ERP44: variants seen among roughly 807,000 people sequenced by gnomAD.
ERP44 encodes endoplasmic reticulum resident protein 44.
Under a neutral mutation model 53.4 loss-of-function variants are expected in ERP44, and 25 were observed. The observed-to-expected ratio is 0.47, with a 90% CI of 0.34 to 0.65. ERP44 has a LOEUF of 0.65. Ranked by LOEUF, ERP44 falls within the 30% of genes least tolerant of loss-of-function variation. The probability of loss-of-function intolerance (pLI) is 0.01; values close to 1 mark genes in which losing one functional copy is unlikely to be tolerated. For missense variants in ERP44, 338 were observed against 493.2 expected, an observed-to-expected ratio of 0.69 and a Z score of 2.98; for synonymous variants, 145 against 161.2, an observed-to-expected ratio of 0.90 and a Z score of 0.76.
intron 1 of ERP44, among the ~76,000 whole-genome samples, chr9:100,062,494 ATAT>A (rs1232348291): frequency 6.6e-6 from 1 of 150,964 alleles, no homozygotes; most frequent in East Asian, 1.9e-4. Flanking sequence ...AGGCAGAAAA[ATAT>A]TATCATAGAA....
At chr9:100,040,743 T>A (rs1179828620) in intron 4 of ERP44, among the ~76,000 whole-genome samples, 1 of 152,174 alleles carries the variant, frequency 6.6e-6, no homozygotes, top group African/African-American at 2.4e-5. Context: ...AATAATATGA[T>A]CTTATATTTT....
chr9:100,094,024 G>C (rs1361668), intron 1 of ERP44, among the ~76,000 whole-genome samples: 70,712 of 152,022 alleles, frequency 0.47, 17,754 homozygotes, highest in East Asian at 0.91. Context: ...CCTAGCAACT[G>C]CAAGTACAGA....
intron 8 of ERP44, among the ~76,000 whole-genome samples, chr9:100,010,717 A>T (rs1830466391): frequency 6.6e-6 from 1 of 152,044 alleles, no homozygotes; most frequent in African/African-American, 2.4e-5. Flanking sequence ...ATTGACCAAC[A>T]TGGTGAAACC....
intron 10 of ERP44, among the ~76,000 whole-genome samples, chr9:99,999,648 T>TAC (rs1361904548): frequency 6.6e-6 from 1 of 152,226 alleles, no homozygotes; most frequent in Admixed American, 6.5e-5. Flanking sequence ...TTTCACTTTG[T>TAC]AGATTTCCTT....
intron 4 of ERP44, among the ~76,000 whole-genome samples, chr9:100,038,597 A>G (rs1240007341): frequency 6.6e-6 from 1 of 152,174 alleles, no homozygotes; most frequent in Non-Finnish European, 1.5e-5. Context: ...GAAGACCACA[A>G]AACAATGAGA....
chr9:100,091,956 T>G (rs1332424575), intron 1 of ERP44, among the ~76,000 whole-genome samples: 1 of 152,072 alleles, frequency 6.6e-6, no homozygotes, highest in Non-Finnish European at 1.5e-5. Flanking sequence ...CTTTTGGTAG[T>G]CTAATTATTT....
chr9:100,011,333 T>C (rs2118639066), intron 8 of ERP44, among the ~76,000 whole-genome samples: 1 of 152,304 alleles, frequency 6.6e-6, no homozygotes, highest in Middle Eastern at 3.4e-3. Context: ...TAAAATGCTA[T>C]TAATGATAGG....
chr9:99,997,728 G>A (rs1194354220), intron 10 of ERP44, among the ~76,000 whole-genome samples: 1 of 152,052 alleles, frequency 6.6e-6, no homozygotes, highest in Non-Finnish European at 1.5e-5. Context: ...ACTGTTGAAA[G>A]GGCAATAGTT....
intron 8 of ERP44, among the ~76,000 whole-genome samples, chr9:100,009,488 C>G (rs1174577412): frequency 6.6e-6 from 1 of 152,152 alleles, no homozygotes; most frequent in African/African-American, 2.4e-5. Context: ...CTCCCCACCC[C>G]CTGGCATCAC....
chr9:100,046,509 T>A (rs1825971776), intron 4 of ERP44, among the ~76,000 whole-genome samples: 1 of 152,126 alleles, frequency 6.6e-6, no homozygotes, highest in African/African-American at 2.4e-5. Flanking sequence ...GTTTAAAGTA[T>A]CATTTACAAT....
Position 100,052,404 on chromosome 9 carries a change from T to C in ERP44, c.286+13A>G, listed in dbSNP as rs369445302. The stretch of plus-strand genomic sequence containing the variant: ...GGGACAGTCTCTTCTAGACTTCCTA[T>C]TGAGGTACTTACAGTGCTGATCACA... On this transcript the variant is annotated intron_variant, in intron 4 of 11. Transcript: ENST00000262455. The C allele has an allele frequency of 1.4e-6, 2 of 1,478,432 alleles. No homozygotes were observed. The highest frequency in any genetic ancestry group is 1.2e-5 in the South Asian group (1 of 85,698). 91.6% of individuals were successfully genotyped at this position (1,478,432 alleles called of 1,614,324 possible).
intron 4 of ERP44, among the ~76,000 whole-genome samples, chr9:100,034,708 A>T (rs1167257068): frequency 6.6e-6 from 1 of 152,218 alleles, no homozygotes; most frequent in Non-Finnish European, 1.5e-5. Flanking sequence ...TCATTTCCAC[A>T]GAATTAGAAA....
intron 1 of ERP44, among the ~76,000 whole-genome samples, chr9:100,085,860 T>C (rs1826473883): frequency 1.3e-5 from 2 of 152,184 alleles, no homozygotes; most frequent in African/African-American, 4.8e-5. Flanking sequence ...GATCATGCCA[T>C]TGCACTCTAG....
chr9:99,994,483 C>T (rs1477854665), intron 10 of ERP44, among the ~76,000 whole-genome samples: 1 of 152,106 alleles, frequency 6.6e-6, no homozygotes, highest in Non-Finnish European at 1.5e-5. Context: ...CAGGGAACAT[C>T]ACACACCGGG....
chr9:100,089,349 G>C (rs975857663), intron 1 of ERP44, among the ~76,000 whole-genome samples: 1 of 152,170 alleles, frequency 6.6e-6, no homozygotes, highest in South Asian at 2.1e-4. Context: ...GGAGGGCCAA[G>C]GCAGGCGGAT....
At chr9:100,026,229 GA>G (rs550245602) in intron 4 of ERP44, among the ~76,000 whole-genome samples, 60 of 152,250 alleles carry the variant, frequency 3.9e-4, no homozygotes, top group Middle Eastern at 3.4e-3. Context: ...TCACAAAGAC[GA>G]AAAATCTCCT....
intron 10 of ERP44, among the ~76,000 whole-genome samples, chr9:99,986,018 T>C (rs753783162): frequency 1.2e-4 from 18 of 152,222 alleles, no homozygotes; most frequent in Middle Eastern, 3.2e-3. Flanking sequence ...TTACCAATCA[T>C]GTATGAGCAA....
intron 10 of ERP44, among the ~76,000 whole-genome samples, chr9:99,987,507 C>T (rs923547276): frequency 6.6e-5 from 10 of 152,154 alleles, no homozygotes; most frequent in African/African-American, 2.2e-4. Flanking sequence ...AGTGTATGAA[C>T]AAACTTTGAC....
chr9:100,059,243 A>G (rs1023994093), intron 2 of ERP44, among the ~76,000 whole-genome samples: 3 of 152,238 alleles, frequency 2.0e-5, no homozygotes, highest in African/African-American at 7.2e-5. Context: ...TCATTTATGC[A>G]CACTGTACAT....
Sources: gnomAD v4.1 joint callset for allele counts (sites outside exome capture counted in the v4.1 genomes callset) on GRCh38, gnomAD v4.1.1 for gene constraint, MANE v1.5 for transcripts, NCBI Gene and HGNC (gene_info 2026-07-23, HGNC 2026-07-21) for gene names.